THSD4: variants seen among roughly 807,000 people sequenced by gnomAD.
THSD4 encodes the protein thrombospondin type-1 domain-containing protein 4.
In THSD4, 69 loss-of-function variants were observed where a neutral mutation model predicts 119.0. The ratio of observed to expected loss-of-function variants is 0.58; its 90% CI spans 0.48 to 0.71. THSD4 has a LOEUF of 0.71. THSD4 is among the 30% of genes least tolerant of loss of function. The pLI is 0.00. For missense variants in THSD4, 1,393 were observed against 1,391.1 expected (o/e 1.00, Z -0.02); for synonymous variants, 524 against 540.4 (o/e 0.97, Z 0.42).
intron 7 of THSD4, among the ~76,000 whole-genome samples, chr15:71,452,649 C>G (rs1348160376): frequency 6.6e-6 from 1 of 151,702 alleles, no homozygotes; most frequent in Non-Finnish European, 1.5e-5. Flanking sequence ...GAGTTTTGCT[C>G]TTGTCGCTCA....
At chr15:71,716,590 G>GTTT (rs11433832) in intron 8 of THSD4, among the ~76,000 whole-genome samples, 1 of 143,812 alleles carries the variant, frequency 7.0e-6, no homozygotes. Context: ...GTTGGTTTTT[G>GTTT]TTTTTTTTTT....
intron 10 of THSD4, among the ~76,000 whole-genome samples, chr15:71,735,472 T>TC (rs1356932351): frequency 0.012 from 1,688 of 144,862 alleles, 19 homozygotes; most frequent in East Asian, 0.043. Flanking sequence ...CTCTCTCTCT[T>TC]TCTCACTAGC....
At chr15:71,140,490 C>T (rs1258383833) in intron 1 of THSD4, among the ~76,000 whole-genome samples, 2 of 152,140 alleles carry the variant, frequency 1.3e-5, no homozygotes, top group East Asian at 1.9e-4. Flanking sequence ...TGACCAGACA[C>T]CTCCAATGGA....
At chr15:71,350,755 C>T (rs955580801) in intron 6 of THSD4, among the ~76,000 whole-genome samples, 1 of 151,926 alleles carries the variant, frequency 6.6e-6, no homozygotes, top group African/African-American at 2.4e-5. Flanking sequence ...GGGGAGGGCA[C>T]ATGGAAAAAT....
rs1339003811 is a variant in THSD4 at position 71,765,041 on chromosome 15, G to A, written c.2611G>A (p.Gly871Arg). 21 of 1,613,906 alleles carry A rather than the reference G, an allele frequency of 1.3e-5. No homozygotes were observed. The East Asian group carries it at 3.8e-4, about 29-fold the overall frequency. Residue 871 changes from glycine (G) to arginine (R), a missense_variant, in exon 16 of 18, where the codon GGG becomes AGG. Coordinates refer to ENST00000261862, the MANE Select transcript of THSD4 (RefSeq NM_024817.3). Reference protein sequence around the residue: ...WSQCSIECGSGTQQREVICVR... With the variant: ...WSQCSIECGSRTQQREVICVR... ...GCAGTGTTCCATCGAGTGTGGGAGC[G>A]GGACGCAACAGAGGGAGGTGATTTG...
At chr15:71,310,012 C>T (rs142654231) in intron 6 of THSD4, among the ~76,000 whole-genome samples, 1 of 152,162 alleles carries the variant, frequency 6.6e-6, no homozygotes, top group Non-Finnish European at 1.5e-5. Flanking sequence ...ATTATTCATA[C>T]AGCTCCTAAA....
At chr15:71,361,144 A>G (rs2045887586) in intron 6 of THSD4, among the ~76,000 whole-genome samples, 2 of 152,314 alleles carry the variant, frequency 1.3e-5, no homozygotes, top group African/African-American at 4.8e-5. Flanking sequence ...TGGGTATCCT[A>G]CTGAGGGATC....
chr15:71,560,431 A>G (rs1253715720), intron 7 of THSD4, among the ~76,000 whole-genome samples: 1 of 152,220 alleles, frequency 6.6e-6, no homozygotes, highest in Non-Finnish European at 1.5e-5. Flanking sequence ...AACAACAAAT[A>G]GGTTAGTGAG....
intron 4 of THSD4, 73 bp downstream of exon 4, chr15:71,215,472 C>A: frequency 7.2e-7 from 1 of 1,391,318 alleles, no homozygotes; most frequent in Non-Finnish European, 9.5e-7. Context: ...GCCCCTGCCT[C>A]GCACGCTGCT....
intron 6 of THSD4, among the ~76,000 whole-genome samples, chr15:71,301,865 A>T (rs1028698811): frequency 2.6e-5 from 4 of 152,042 alleles, no homozygotes; most frequent in African/African-American, 9.7e-5. Context: ...AGGAAGCATC[A>T]CTCAGTCTTT....
chr15:71,385,983 G>A (rs1192560632), intron 6 of THSD4, among the ~76,000 whole-genome samples: 3 of 152,134 alleles, frequency 2.0e-5, no homozygotes, highest in Admixed American at 2.0e-4. Context: ...GAACTCTAAG[G>A]AAAAATGAGG....
chr15:71,539,800 G>T (rs12442633), intron 7 of THSD4, among the ~76,000 whole-genome samples: 12,334 of 152,208 alleles, frequency 0.081, 1,144 homozygotes, highest in East Asian at 0.44. Flanking sequence ...CCGTTCTCTT[G>T]TTTGGCATTC....
intron 3 of THSD4, among the ~76,000 whole-genome samples, chr15:71,173,334 A>G (rs2043402226): frequency 6.6e-6 from 1 of 152,124 alleles, no homozygotes. Context: ...AAACTTGTAT[A>G]ATGAAAACTA....
In THSD4 at chr15:71,389,827, T is replaced by TTTTTTTTTG. The variant is rs56316633; in HGVS notation, c.1016-21860_1016-21859insTTTTTTTTG. 1.3e-4 allele frequency among the ~76,000 whole-genome samples: 19 copies of TTTTTTTTTG among 142,986 alleles called. 1 individual carries two copies. The highest frequency in any genetic ancestry group is 5.1e-4 in the African/African-American group (19 of 37,324). 93.8% of individuals were successfully genotyped at this position (142,986 alleles called of 152,430 possible). A position where few individuals can be genotyped will look rare whatever the true frequency, so the allele number is the denominator to read the frequency against. On this transcript the variant is annotated intron_variant, in intron 6 of 17. Transcript: ENST00000261862. ...TCTGGGTTGTTTTTTTTTTTTTTTT[T>TTTTTTTTTG]GACACAGAGTCTCGCTCTGTCACTC...
At chr15:71,494,835 G>A (rs926315624) in intron 7 of THSD4, among the ~76,000 whole-genome samples, 1 of 152,192 alleles carries the variant, frequency 6.6e-6, no homozygotes, top group African/African-American at 2.4e-5. Context: ...CAAGAAGCAG[G>A]AGAAATAAAA....
chr15:71,580,973 T>C (rs1043769233), intron 7 of THSD4, among the ~76,000 whole-genome samples: 5 of 152,136 alleles, frequency 3.3e-5, no homozygotes, highest in Non-Finnish European at 5.9e-5. Context: ...AATGGACACT[T>C]AAGTTATTTC....
chr15:71,244,711 G>T (rs2044184360), intron 5 of THSD4, among the ~76,000 whole-genome samples: 1 of 152,210 alleles, frequency 6.6e-6, no homozygotes, highest in Non-Finnish European at 1.5e-5. Flanking sequence ...ATGAGGGATG[G>T]TAGGAAAGTG....
Position 71,668,224 on chromosome 15 carries a change from A to C in THSD4, c.1357+7490A>C, listed in dbSNP as rs184351256. On this transcript the variant is annotated intron_variant, in intron 8 of 17. Transcript: ENST00000261862. ...CTTCCCTTTCTCCAAAGATTCCTTC[A>C]AAATGATACTAAAGCGATTTAACTA... 3.9e-4 allele frequency among the ~76,000 whole-genome samples: 60 copies of C among 152,358 alleles called. 1 individual carries two copies. The East Asian group carries it at 0.012, about 29-fold the overall frequency.
chr15:71,621,215 G>A (rs1001459872), intron 7 of THSD4, among the ~76,000 whole-genome samples: 1 of 152,018 alleles, frequency 6.6e-6, no homozygotes, highest in African/African-American at 2.4e-5. Flanking sequence ...ATGTGTGAGA[G>A]GTACTAATAA....
Sources: gnomAD v4.1 joint callset for allele counts (sites outside exome capture counted in the v4.1 genomes callset) on GRCh38, gnomAD v4.1.1 for gene constraint, MANE v1.5 for transcripts, NCBI Gene and HGNC (gene_info 2026-07-23, HGNC 2026-07-21) for gene names.